MTAP: variants seen among roughly 807,000 people sequenced by gnomAD.
MTAP encodes the protein methylthioadenosine phosphorylase, also known as S-methyl-5'-thioadenosine phosphorylase.
In MTAP, 33 loss-of-function variants were observed where a neutral mutation model predicts 33.6. The ratio of observed to expected loss-of-function variants is 0.98; its 90% CI spans 0.74 to 1.31. The LOEUF (loss-of-function observed/expected upper bound fraction) is 1.31. Ranked by LOEUF, MTAP falls within the 40% of genes most tolerant of loss-of-function variation. The pLI is 0.00. For synonymous variants in MTAP, 148 were observed against 125.7 expected (o/e 1.18, Z -1.19); for missense variants, 367 against 360.0 (o/e 1.02, Z -0.16).
chr9:21,850,125 CAGTGAGCAAGA>C (rs539395245), intron 5 of MTAP, among the ~76,000 whole-genome samples: 3 of 152,298 alleles, frequency 2.0e-5, no homozygotes, highest in South Asian at 4.2e-4. Context: ...TGATTGGATC[CAGTGAGCAAGA>C]AGTGGCAAAC....
intron 5 of MTAP, among the ~76,000 whole-genome samples, chr9:21,840,691 G>A (rs950179640): frequency 1.3e-5 from 2 of 152,210 alleles, no homozygotes; most frequent in Non-Finnish European, 2.9e-5. Flanking sequence ...GTGATGGCAG[G>A]GCGAAGGAAG....
intron 3 of MTAP, among the ~76,000 whole-genome samples, chr9:21,817,749 T>A (rs1400138990): frequency 6.6e-6 from 1 of 152,098 alleles, no homozygotes; most frequent in Non-Finnish European, 1.5e-5. Flanking sequence ...ATTTTTCTAT[T>A]GGCTGAATGC....
chr9:21,919,027 C>T (rs1408230230), intron 1 of MTAP, among the ~76,000 whole-genome samples: 1 of 152,060 alleles, frequency 6.6e-6, no homozygotes, highest in East Asian at 1.9e-4. Flanking sequence ...CCATCAAACA[C>T]TATTGATAGG....
At chr9:21,870,385 C>G (rs1366825129), downstream of MTAP, among the ~76,000 whole-genome samples, 5 of 152,190 alleles carry the variant, frequency 3.3e-5, no homozygotes, top group African/African-American at 1.2e-4. Context: ...TACTGATATC[C>G]TAAATGACCA....
Position 21,862,814 on chromosome 9 carries a change from G to T in MTAP, c.*800G>T, listed in dbSNP as rs1825780949. The T allele has an allele frequency of 2.6e-6, 1 of 385,594 alleles. No homozygotes were observed. The highest frequency in any genetic ancestry group is 2.2e-5 in the African/African-American group (1 of 45,180). The allele number at this position is 385,594 out of a possible 1,614,324, so 23.9% of individuals were successfully genotyped here. A position where few individuals can be genotyped will look rare whatever the true frequency, so the allele number is the denominator to read the frequency against. On this transcript the variant is annotated 3_prime_UTR_variant, in exon 8 of 8. Transcript: ENST00000644715. Reference sequence around the variant, plus strand: ...ACTAGAAAGAAATATATATAACCTTGTTATTGTATTTGGGGGAGGGATACT... The same window carrying T: ...ACTAGAAAGAAATATATATAACCTTTTTATTGTATTTGGGGGAGGGATACT...
chr9:21,845,940 G>C (rs1261575830), intron 5 of MTAP, among the ~76,000 whole-genome samples: 2 of 152,148 alleles, frequency 1.3e-5, no homozygotes, highest in African/African-American at 2.4e-5. Flanking sequence ...GAACAGAATA[G>C]AGTATCCAGA....
intron 1 of MTAP, among the ~76,000 whole-genome samples, chr9:21,911,350 C>T (rs1818573405): frequency 6.6e-6 from 1 of 152,184 alleles, no homozygotes; most frequent in African/African-American, 2.4e-5. Flanking sequence ...CACACTGCAC[C>T]TATTCCAAAA....
rs928315155 is a variant in MTAP, at chr9:21,873,175, A to G, written c.147+18305A>G. On this transcript the variant is annotated intron_variant, in intron 1 of 1. Coordinates refer to the MTAP transcript ENST00000577563. ...TGAATATTGTGTTTTAAGTTGGAAAAAAAAGTTACATAAAATGTATTCTAT... is the reference window on the plus strand; with the variant it reads ...TGAATATTGTGTTTTAAGTTGGAAAGAAAAGTTACATAAAATGTATTCTAT... Among the ~76,000 whole-genome samples, 40 of 152,202 alleles carry G rather than the reference A, an allele frequency of 2.6e-4. 1 individual carries two copies. Among genetic ancestry groups the G allele is most frequent in the Admixed American group, 1.4e-3 (22 of 15,274 alleles).
intron 1 of MTAP, among the ~76,000 whole-genome samples, chr9:21,911,486 C>T (rs1173280047): frequency 6.6e-6 from 1 of 152,052 alleles, no homozygotes; most frequent in Non-Finnish European, 1.5e-5. Flanking sequence ...CACACAAAAC[C>T]GCTCAACTAC....
chr9:21,905,131 G>T (rs1818453880), intron 1 of MTAP, among the ~76,000 whole-genome samples: 1 of 152,164 alleles, frequency 6.6e-6, no homozygotes, highest in Admixed American at 6.5e-5. Context: ...CCACCTTATT[G>T]CAAGGACAGA....
chr9:21,839,588 G>GAAGA (rs1293565795), intron 5 of MTAP, among the ~76,000 whole-genome samples: 1 of 152,172 alleles, frequency 6.6e-6, no homozygotes, highest in East Asian at 1.9e-4. Context: ...GCTTCATAAA[G>GAAGA]ACTGAGAGAA....
chr9:21,940,270 G>C (rs1231469922), downstream of MTAP, among the ~76,000 whole-genome samples: 1 of 152,156 alleles, frequency 6.6e-6, no homozygotes, highest in Admixed American at 6.5e-5. Flanking sequence ...TCCCAGCAAA[G>C]TATACTTTGA....
In MTAP at chr9:21,865,087, G is replaced by A. The variant is rs1396426761; in HGVS notation, c.*3073G>A. 1.0e-6 allele frequency: 1 copy of A among 985,252 alleles called. No individual in the cohort carries two copies. The highest frequency in any genetic ancestry group is 1.2e-6 in the Non-Finnish European group (1 of 829,934). 61.0% of individuals were successfully genotyped at this position (985,252 alleles called of 1,614,324 possible). On this transcript the variant is annotated 3_prime_UTR_variant, in exon 8 of 8. Coordinates refer to ENST00000644715, the MANE Select transcript of MTAP (RefSeq NM_002451.4). ...AGTCCCTCCTTGATAAGGTTTGGCG[G>A]TGTCCCCACCCAAATCTCATGTTGA...
At chr9:21,846,951 T>C (rs1429445086) in intron 5 of MTAP, among the ~76,000 whole-genome samples, 1 of 152,106 alleles carries the variant, frequency 6.6e-6, no homozygotes, top group Non-Finnish European at 1.5e-5. Flanking sequence ...TGATCCTGGG[T>C]GTGTCTGTGA....
intron 1 of MTAP, among the ~76,000 whole-genome samples, chr9:21,805,375 A>G (rs1824183706): frequency 6.6e-6 from 1 of 152,212 alleles, no homozygotes; most frequent in Non-Finnish European, 1.5e-5. Flanking sequence ...CTGCTAGACA[A>G]TGGGGATGCA....
chr9:21,896,853 A>G (rs1818303052), intron 1 of MTAP, among the ~76,000 whole-genome samples: 1 of 152,214 alleles, frequency 6.6e-6, no homozygotes, highest in African/African-American at 2.4e-5. Context: ...ATCAATAGAA[A>G]AAGAGGGAAT....
intron 1 of MTAP, among the ~76,000 whole-genome samples, chr9:21,919,224 A>G (rs913768224): frequency 1.3e-5 from 2 of 152,214 alleles, no homozygotes; most frequent in African/African-American, 4.8e-5. Context: ...GATTTCAAGC[A>G]TATAAAAATA....
intron 1 of MTAP, among the ~76,000 whole-genome samples, chr9:21,804,017 CCCTG>C (rs1161730603): frequency 1.3e-5 from 2 of 152,158 alleles, no homozygotes; most frequent in African/African-American, 2.4e-5. Flanking sequence ...AAGGCCTCTC[CCCTG>C]CCTTCATTGT....
intron 1 of MTAP, among the ~76,000 whole-genome samples, chr9:21,916,080 AAAGG>A (rs375102585): frequency 0.036 from 4,257 of 116,956 alleles, 137 homozygotes; most frequent in East Asian, 0.12. Flanking sequence ...GGGAGGAAGG[AAAGG>A]AAGGAAGGAA....
Sources: gnomAD v4.1 joint callset for allele counts (sites outside exome capture counted in the v4.1 genomes callset) on GRCh38, gnomAD v4.1.1 for gene constraint, MANE v1.5 for transcripts, NCBI Gene and HGNC (gene_info 2026-07-23, HGNC 2026-07-21) for gene names.